TRIM34: variants seen among roughly 807,000 people sequenced by gnomAD.
The protein encoded by TRIM34 is tripartite motif containing 34.
A neutral mutation model predicts 38.1 loss-of-function variants in TRIM34; 41 were observed. That is an observed-to-expected ratio of 1.08 (90% CI 0.84 to 1.40). The LOEUF (loss-of-function observed/expected upper bound fraction) is 1.40. Ranked by LOEUF, TRIM34 falls within the 40% of genes most tolerant of loss-of-function variation. TRIM34 has a pLI of 0.00. For missense variants in TRIM34, 556 were observed against 571.4 expected (o/e 0.97, Z 0.27); for synonymous variants, 200 against 202.5 (o/e 0.99, Z 0.10).
chr11:5,637,382 C>G (rs1849792769), intron 4 of TRIM34, among the ~76,000 whole-genome samples: 1 of 152,168 alleles, frequency 6.6e-6, no homozygotes, highest in Non-Finnish European at 1.5e-5. Flanking sequence ...AAAGAACGAT[C>G]TAGACAGAAA....
At chr11:5,635,400 A>G (rs751913727) in intron 4 of TRIM34, among the ~76,000 whole-genome samples, 9 of 151,878 alleles carry the variant, frequency 5.9e-5, no homozygotes, top group Admixed American at 1.3e-4. Context: ...GACTACAGGC[A>G]CCCACCACCA....
chr11:5,631,449 C>A (rs923270674), intron 1 of TRIM34, among the ~76,000 whole-genome samples: 1 of 152,142 alleles, frequency 6.6e-6, no homozygotes, highest in African/African-American at 2.4e-5. Context: ...ATTTATTCAT[C>A]TGAAGAAAGG....
upstream of TRIM34, among the ~76,000 whole-genome samples, chr11:5,622,604 A>G (rs189583315): frequency 6.6e-6 from 1 of 150,718 alleles, no homozygotes; most frequent in East Asian, 2.0e-4. Context: ...GGCGACAAGA[A>G]CGAAACTCCA....
Position 5,634,804 on chromosome 11 carries a change from A to G in TRIM34, c.693A>G (p.Arg231=). The G allele has an allele frequency of 6.2e-7, 1 of 1,613,836 alleles. No individual in the cohort carries two copies. The highest frequency in any genetic ancestry group is 8.5e-7 in the Non-Finnish European group (1 of 1,179,800). Residue 231 remains arginine (R), a synonymous_variant, in exon 4 of 8, where the codon AGA becomes AGG. Coordinates refer to ENST00000429814, the MANE Select transcript of TRIM34 (RefSeq NM_021616.6). ...TAGTTCAGCAGAAGCAGTTGGTGAG[A>G]GAGCTCATCTCAGATGTGGAGTGTC... The part of the protein sequence containing the change: ...DELVQQKQLV[R]ELISDVECRS...
chr11:5,638,133 A>C (rs923319272), intron 4 of TRIM34, among the ~76,000 whole-genome samples: 12 of 152,196 alleles, frequency 7.9e-5, no homozygotes, highest in African/African-American at 2.9e-4. Context: ...TGGACATCTG[A>C]CCCAATCCTG....
chr11:5,630,685 A>G (rs1849448549), intron 1 of TRIM34, among the ~76,000 whole-genome samples: 1 of 152,178 alleles, frequency 6.6e-6, no homozygotes, highest in East Asian at 1.9e-4. Flanking sequence ...TCCAAGCAAG[A>G]TATCTTGGAT....
intron 7 of TRIM34, 30 bp from the exon 8 acceptor site, chr11:5,643,114 C>A: frequency 2.0e-6 from 1 of 492,972 alleles, no homozygotes; most frequent in Non-Finnish European, 2.7e-6. Flanking sequence ...TATTCATATA[C>A]ATATATATAT....
At chr11:5,634,940 A>G in intron 4 of TRIM34, 79 bp downstream of exon 4, 2 of 1,486,272 alleles carry the variant, frequency 1.3e-6, no homozygotes, top group South Asian at 2.6e-5. Context: ...TGGTGGTGAC[A>G]CTAAGGGGTT....
At chr11:5,620,332 T>G (rs1461888374), upstream of TRIM34, among the ~76,000 whole-genome samples, 2 of 151,736 alleles carry the variant, frequency 1.3e-5, no homozygotes, top group Middle Eastern at 3.2e-3. Context: ...CGCGCGCCAC[T>G]GCACCCAGCT....
At chr11:5,637,928 A>C (rs774271311) in intron 4 of TRIM34, among the ~76,000 whole-genome samples, 3 of 152,188 alleles carry the variant, frequency 2.0e-5, no homozygotes, top group Non-Finnish European at 4.4e-5. Flanking sequence ...TTGTTTCGTC[A>C]ATATCCATTC....
At chr11:5,627,842 G>A (rs1408407381) in intron 1 of TRIM34, among the ~76,000 whole-genome samples, 3 of 152,188 alleles carry the variant, frequency 2.0e-5, no homozygotes, top group African/African-American at 7.2e-5. Flanking sequence ...AACTTCAAAA[G>A]ACATCCTCCC....
chr11:5,635,972 G>A (rs1406542477), intron 4 of TRIM34, among the ~76,000 whole-genome samples: 1 of 152,206 alleles, frequency 6.6e-6, no homozygotes, highest in Non-Finnish European at 1.5e-5. Context: ...AGGAAAAACT[G>A]CTTGGCAGTT....
rs546776467 is a variant in TRIM34, at chr11:5,628,840, G to A, written c.-77-3415G>A. On this transcript the variant is annotated intron_variant, in intron 1 of 7. Transcript: ENST00000429814. Reference sequence around the variant, plus strand: ...TTTCAGAAGGCTCTATGTGAAAATCGGTTCTATTCCTCTCTCCTAGCTTCT... The same window carrying A: ...TTTCAGAAGGCTCTATGTGAAAATCAGTTCTATTCCTCTCTCCTAGCTTCT... Among the ~76,000 whole-genome samples the A allele has an allele frequency of 4.6e-5, 7 of 151,026 alleles. No homozygotes were observed. The South Asian group carries it at 1.3e-3, about 27-fold the overall frequency.
In TRIM34 at chr11:5,643,633, T is replaced by A. The variant is rs1850121738; in HGVS notation, c.1391T>A (p.Phe464Tyr). 2 of 1,614,008 alleles carry A rather than the reference T, an allele frequency of 1.2e-6. No individual in the cohort carries two copies. Among genetic ancestry groups the A allele is most frequent in the African/African-American group, 1.3e-5 (1 of 74,912 alleles). ...SLIYKFSKCC[F>Y]SQPVYPYFNP... ...ATTTACAAGTTCTCTAAATGTTGCTTTTCTCAGCCTGTTTATCCATATTTC... is the reference window on the plus strand; with the variant it reads ...ATTTACAAGTTCTCTAAATGTTGCTATTCTCAGCCTGTTTATCCATATTTC... Residue 464 changes from phenylalanine to tyrosine, a missense_variant, in exon 8 of 8, where the codon TTT becomes TAT. Phe to Tyr is a conservative substitution (Grantham distance 22). Transcript: ENST00000429814.
chr11:5,625,928 G>A (rs578084058), intron 1 of TRIM34, among the ~76,000 whole-genome samples: 55 of 152,348 alleles, frequency 3.6e-4, no homozygotes, highest in African/African-American at 1.3e-3. Flanking sequence ...GGCTCAGAAG[G>A]AGCCCACGGA....
rs1849531033 is a variant in TRIM34 at position 5,632,670 on chromosome 11, A to G, written c.339A>G (p.Lys113=). ...KLLLFCKEDR[K]VICWLCERSQ... The stretch of plus-strand genomic sequence containing the variant: ...TACTCTTCTGTAAGGAGGATAGGAA[A>G]GTCATTTGCTGGCTTTGTGAGCGGT... Residue 113 remains lysine, a synonymous_variant, in exon 2 of 8, where the codon AAA becomes AAG. Transcript: ENST00000429814. 6.2e-7 allele frequency: 1 copy of G among 1,612,590 alleles called. No homozygotes were observed. The highest frequency in any genetic ancestry group is 1.7e-5 in the Admixed American group (1 of 59,750).
chr11:5,622,872 C>T (rs117625222), upstream of TRIM34, among the ~76,000 whole-genome samples: 2,043 of 152,302 alleles, frequency 0.013, 34 homozygotes, highest in Non-Finnish European at 0.02. Flanking sequence ...GAGGTCCTGA[C>T]AACATGTACC....
intron 1 of TRIM34, among the ~76,000 whole-genome samples, chr11:5,630,966 G>A (rs1849458111): frequency 6.6e-6 from 1 of 152,214 alleles, no homozygotes; most frequent in Non-Finnish European, 1.5e-5. Context: ...TTCAATTAGT[G>A]GATGTGGATT....
In TRIM34 at chr11:5,643,252, G is replaced by T. The variant is rs776559981; in HGVS notation, c.1010G>T (p.Gly337Val). The change falls in exon 8 of 8, where the codon GGT (glycine) becomes GTT (valine). Residue 337 changes from glycine to valine, a missense_variant. By Grantham distance (109) the Gly-to-Val change is moderately radical (BLOSUM62 -3). Transcript: ENST00000429814. ...TGGCCTTTTCAGTGTTATAATTATG[G>T]TGTCTTGGGATCCCAATATTTCTCC... ...PIWPFQCYNY[G>V]VLGSQYFSSG... is the part of the protein sequence containing the mutation. 5 of 1,613,840 alleles carry T rather than the reference G, an allele frequency of 3.1e-6. No homozygotes were observed. The highest frequency in any genetic ancestry group is 4.2e-6 in the Non-Finnish European group (5 of 1,179,962).
Sources: gnomAD v4.1 joint callset for allele counts (sites outside exome capture counted in the v4.1 genomes callset) on GRCh38, gnomAD v4.1.1 for gene constraint, MANE v1.5 for transcripts, NCBI Gene and HGNC (gene_info 2026-07-23, HGNC 2026-07-21) for gene names.